Variants in TNKS observed in about 807,000 individuals in gnomAD.
TNKS encodes the protein tankyrase, also known as poly [ADP-ribose] polymerase tankyrase-1.
A neutral mutation model predicts 135.8 loss-of-function variants in TNKS; 72 were observed. The ratio of observed to expected loss-of-function variants is 0.53; its 90% CI spans 0.44 to 0.64. TNKS has a LOEUF of 0.64. Among genes scored for constraint, TNKS ranks in the 30% least tolerant of loss-of-function variants. TNKS has a pLI of 0.00. For synonymous variants in TNKS, 849 were observed against 649.3 expected (o/e 1.31, Z -4.68); for missense variants, 1,769 against 1,674.0 (o/e 1.06, Z -0.99).
chr8:9,566,899 C>T lies in TNKS; in HGVS notation c.673+10287C>T, dbSNP rs35411129. ...CTGGGATTACAGGCGTGAGCCACCG[C>T]GCCCGGCCTAGCCCAGTCTTTTGTC... On this transcript the variant is annotated intron_variant, in intron 1 of 26. Transcript: ENST00000310430. Among the ~76,000 whole-genome samples, 14 of 152,262 alleles carry T rather than the reference C, an allele frequency of 9.2e-5. No homozygotes were observed. The South Asian group carries it at 1.9e-3, about 20-fold the overall frequency.
chr8:9,706,944 G>A lies in TNKS; in HGVS notation c.1403G>A (p.Gly468Asp). The change falls in exon 8 of 27, where the codon GGC (glycine) becomes GAC (aspartate). Residue 468 changes from glycine (G) to aspartate (D), a missense_variant. Physicochemically the swap from Gly to Asp is moderately conservative, Grantham distance 94 (BLOSUM62 -1). Transcript: ENST00000310430. ...GADPTLVNCH[G>D]KSAVDMAPTP... ...GATCCTACATTAGTCAACTGCCATG[G>A]CAAAAGTGCTGTGGATATGGCTCCA... 3.7e-6 allele frequency: 6 copies of A among 1,613,518 alleles called. No homozygotes were observed. Among genetic ancestry groups the A allele is most frequent in the Non-Finnish European group, 5.1e-6 (6 of 1,179,762 alleles).
intron 13 of TNKS, among the ~76,000 whole-genome samples, chr8:9,729,183 G>C (rs559650587): frequency 1.1e-4 from 16 of 152,246 alleles, no homozygotes; most frequent in African/African-American, 3.9e-4. Context: ...TTTTAGAAAG[G>C]CCTTAAGCCC....
intron 20 of TNKS, among the ~76,000 whole-genome samples, chr8:9,756,948 G>T (rs1806862426): frequency 6.6e-6 from 1 of 151,708 alleles, no homozygotes; most frequent in African/African-American, 2.4e-5. Context: ...AGGGCCTTTG[G>T]TATACTTTTT....
At chr8:9,573,303 T>G (rs1407232881) in intron 1 of TNKS, among the ~76,000 whole-genome samples, 4 of 152,082 alleles carry the variant, frequency 2.6e-5, no homozygotes, top group African/African-American at 9.7e-5. Flanking sequence ...TGCCACATGG[T>G]CAGATAACAA....
chr8:9,672,707 CACACAAA>C (rs1467977029), intron 3 of TNKS, among the ~76,000 whole-genome samples: 17 of 104,318 alleles, frequency 1.6e-4, no homozygotes, highest in South Asian at 4.0e-4. Flanking sequence ...CACACACACA[CACACAAA>C]AAAAAAAAAA....
rs2128848227 is a variant in TNKS, at chr8:9,781,890, A to G, written c.*5154A>G. On this transcript the variant is annotated 3_prime_UTR_variant, in exon 27 of 27. Coordinates refer to ENST00000310430, the MANE Select transcript of TNKS (RefSeq NM_003747.3). Reference sequence around the variant, plus strand: ...TCTCCTTTCTTTTTTGTATTTATCTATTTGTAGGATTGTCAGATCAAGTAC... The same window carrying G: ...TCTCCTTTCTTTTTTGTATTTATCTGTTTGTAGGATTGTCAGATCAAGTAC... 1 of 152,654 alleles carries G rather than the reference A, an allele frequency of 6.6e-6. No individual in the cohort carries two copies. Among genetic ancestry groups the G allele is most frequent in the South Asian group, 2.1e-4 (1 of 4,832 alleles). 9.5% of individuals were successfully genotyped at this position (152,654 alleles called of 1,614,324 possible).
intron 2 of TNKS, among the ~76,000 whole-genome samples, chr8:9,609,844 T>C (rs4565462): frequency 0.1 from 15,413 of 152,234 alleles, 888 homozygotes; most frequent in African/African-American, 0.14. Context: ...CACTGGTTAC[T>C]TGAATTTTCT....
chr8:9,736,036 A>C (rs1271080455), intron 17 of TNKS, among the ~76,000 whole-genome samples: 1 of 151,002 alleles, frequency 6.6e-6, no homozygotes, highest in Non-Finnish European at 1.5e-5. Context: ...CAAGCACAAT[A>C]ATAGGCATGT....
intron 14 of TNKS, among the ~76,000 whole-genome samples, chr8:9,732,877 A>G (rs1374568576): frequency 1.3e-5 from 2 of 152,136 alleles, no homozygotes; most frequent in Non-Finnish European, 2.9e-5. Flanking sequence ...TCACCACTGA[A>G]TCACCACTAT....
intron 3 of TNKS, among the ~76,000 whole-genome samples, chr8:9,628,664 T>C (rs906549095): frequency 2.0e-5 from 3 of 152,152 alleles, no homozygotes; most frequent in Non-Finnish European, 4.4e-5. Flanking sequence ...ATCGAGTCCA[T>C]TTTAAATGGC....
chr8:9,609,434 G>A (rs1799363893), intron 2 of TNKS, among the ~76,000 whole-genome samples: 1 of 152,190 alleles, frequency 6.6e-6, no homozygotes, highest in Non-Finnish European at 1.5e-5. Context: ...CTCATCCTGA[G>A]GTATCACCCT....
chr8:9,724,143 G>A (rs137951855), intron 12 of TNKS, among the ~76,000 whole-genome samples: 11 of 152,266 alleles, frequency 7.2e-5, no homozygotes, highest in African/African-American at 2.6e-4. Flanking sequence ...TTTGATTCTA[G>A]GTGACTATAA....
chr8:9,770,321 G>C, intron 26 of TNKS, 59 bp downstream of exon 26: 2 of 1,509,348 alleles, frequency 1.3e-6, no homozygotes, highest in South Asian at 2.5e-5. Flanking sequence ...AGAGCACAGA[G>C]ACCGTGTAAG....
chr8:9,773,307 G>T (rs1311439517), intron 26 of TNKS, among the ~76,000 whole-genome samples: 1 of 151,998 alleles, frequency 6.6e-6, no homozygotes, highest in African/African-American at 2.4e-5. Flanking sequence ...ATATTCATAT[G>T]TCTGATATTT....
intron 25 of TNKS, among the ~76,000 whole-genome samples, chr8:9,767,362 G>C (rs962739530): frequency 6.6e-6 from 1 of 152,128 alleles, no homozygotes; most frequent in South Asian, 2.1e-4. Context: ...GAATTATACT[G>C]TACAAAGATT....
At chr8:9,635,488 G>C (rs1800475376) in intron 3 of TNKS, among the ~76,000 whole-genome samples, 1 of 152,214 alleles carries the variant, frequency 6.6e-6, no homozygotes, top group African/African-American at 2.4e-5. Context: ...ACAATCGTTA[G>C]TGGATGCCAA....
At chr8:9,718,229 C>T (rs924188939) in intron 11 of TNKS, among the ~76,000 whole-genome samples, 1 of 149,232 alleles carries the variant, frequency 6.7e-6, no homozygotes, top group Admixed American at 6.7e-5. Context: ...CAGTGTCACT[C>T]TAGCTAAAGA....
At chr8:9,722,090 C>T (rs576836653) in intron 12 of TNKS, among the ~76,000 whole-genome samples, 173 of 150,976 alleles carry the variant, frequency 1.1e-3, no homozygotes, top group African/African-American at 4.0e-3. Context: ...GAAAAAAATG[C>T]CCTAACTATA....
chr8:9,770,381 A>C (rs1807755182), intron 26 of TNKS, 119 bp downstream of exon 26: 1 of 1,064,562 alleles, frequency 9.4e-7, no homozygotes. Flanking sequence ...TGCTAGTATT[A>C]ATTACTTCAG....
Sources: allele counts gnomAD v4.1 joint callset (sites outside exome capture counted in the v4.1 genomes callset), GRCh38; gene constraint gnomAD v4.1.1; transcripts MANE v1.5; gene names NCBI Gene and HGNC (gene_info 2026-07-23, HGNC 2026-07-21).